The following RNF19B variants were observed in gnomAD, a reference collection of about 807,000 sequenced individuals.
The protein encoded by RNF19B is E3 ubiquitin-protein ligase RNF19B.
In RNF19B, 23 loss-of-function variants were observed where a neutral mutation model predicts 65.5. That is an observed-to-expected ratio of 0.35 (90% CI 0.25 to 0.50). The LOEUF is 0.50. Ranked by LOEUF, RNF19B falls within the 20% of genes least tolerant of loss-of-function variation. The pLI is 0.98. For missense variants in RNF19B, 794 were observed against 980.0 expected, an observed-to-expected ratio of 0.81 and a Z score of 2.53; for synonymous variants, 372 against 379.6, an observed-to-expected ratio of 0.98 and a Z score of 0.23.
chr1:32,933,928 A>G (rs1339500309), downstream of RNF19B, among the ~76,000 whole-genome samples: 1 of 152,204 alleles, frequency 6.6e-6, no homozygotes, highest in East Asian at 1.9e-4. Flanking sequence ...GTTTAGCCAT[A>G]AACTACTGCC....
Position 32,948,207 on chromosome 1 carries a change from C to A in RNF19B, c.983+15G>T. The A allele has an allele frequency of 6.2e-7, 1 of 1,612,676 alleles. No individual in the cohort carries two copies. Among genetic ancestry groups the A allele is most frequent in the South Asian group, 1.1e-5 (1 of 90,994 alleles). ...AATGAGACTACGAAAGGAATGGATG[C>A]ATTTCCCATCTTACCTGAGGTAATG... On this transcript the variant is annotated intron_variant, in intron 3 of 8. Coordinates refer to ENST00000235150, the MANE Select transcript of RNF19B (RefSeq NM_001300826.2).
chr1:32,934,594 T>G (rs745715638), downstream of RNF19B, among the ~76,000 whole-genome samples: 1 of 151,828 alleles, frequency 6.6e-6, no homozygotes, highest in Non-Finnish European at 1.5e-5. Context: ...GACTTGAGAA[T>G]CACTTGAACC....
At chr1:32,943,899 C>T (rs1642299802) in intron 6 of RNF19B, 120 bp downstream of exon 6, 2 of 1,015,968 alleles carry the variant, frequency 2.0e-6, no homozygotes, top group South Asian at 1.6e-5. Flanking sequence ...ACTTTACCCC[C>T]TACAAAGCTC....
At chr1:32,948,452 A>C in intron 2 of RNF19B, 89 bp from the exon 3 acceptor site, 1 of 1,381,920 alleles carries the variant, frequency 7.2e-7, no homozygotes, top group Non-Finnish European at 9.9e-7. Flanking sequence ...TATATAAGAA[A>C]TGAGGCAGCA....
At chr1:32,960,202 C>G (rs1281464856) in intron 1 of RNF19B, among the ~76,000 whole-genome samples, 1 of 151,948 alleles carries the variant, frequency 6.6e-6, no homozygotes, top group East Asian at 1.9e-4. Flanking sequence ...TCATGAATCT[C>G]TGAATGTATG....
At position 32,936,896 on chromosome 1, in the gene RNF19B, A is replaced by G; in HGVS notation, c.2106T>C (p.Gly702=). The change falls in exon 9 of 9, where the codon GGT becomes GGC. Residue 702 remains glycine, a synonymous_variant. Coordinates refer to ENST00000235150, the MANE Select transcript of RNF19B (RefSeq NM_001300826.2). ...TCATATGGGCACTTGGGCTCGGTGC[A>G]CCTTGGGCTCTGGGGGTCGAGGGGC... ...AACPSTPRAQ[G]APSPSAHMNL... 1 of 1,613,780 alleles carries G rather than the reference A, an allele frequency of 6.2e-7. No homozygotes were observed.
intron 1 of RNF19B, among the ~76,000 whole-genome samples, chr1:32,963,799 C>G (rs1423933746): frequency 6.6e-6 from 1 of 152,224 alleles, no homozygotes; most frequent in Non-Finnish European, 1.5e-5. Context: ...AACCGCCTCT[C>G]CCTGTCTCCT....
At chr1:32,938,609 A>C in intron 7 of RNF19B, 81 bp from the exon 8 acceptor site, 1 of 1,420,570 alleles carries the variant, frequency 7.0e-7, no homozygotes, top group Non-Finnish European at 9.7e-7. Flanking sequence ...CATCTCTTCC[A>C]TTACTCTCTT....
chr1:32,942,135 T>C (rs892219429), intron 7 of RNF19B, 117 bp downstream of exon 7: 3 of 864,192 alleles, frequency 3.5e-6, no homozygotes, highest in African/African-American at 1.7e-5. Context: ...AACAAAACCA[T>C]TGACAATTAA....
chr1:32,939,551 C>G (rs991478601), intron 7 of RNF19B, among the ~76,000 whole-genome samples: 1 of 152,194 alleles, frequency 6.6e-6, no homozygotes, highest in African/African-American at 2.4e-5. Context: ...ACACACTTTA[C>G]CTTCCCTGCC....
At chr1:32,961,975 G>T (rs912387184) in intron 1 of RNF19B, among the ~76,000 whole-genome samples, 129 of 145,654 alleles carry the variant, frequency 8.9e-4, no homozygotes, top group South Asian at 4.8e-3. Context: ...GCAGTGTTTT[G>T]TTTTTTTTTT....
chr1:32,955,457 T>C (rs1642613205), intron 1 of RNF19B, among the ~76,000 whole-genome samples: 1 of 151,694 alleles, frequency 6.6e-6, no homozygotes, highest in Non-Finnish European at 1.5e-5. Context: ...CGCCTGGGCA[T>C]GGTGGATCAC....
downstream of RNF19B, among the ~76,000 whole-genome samples, chr1:32,933,627 T>C (rs1642056017): frequency 6.6e-6 from 1 of 152,198 alleles, no homozygotes. Context: ...TTTCATCTAC[T>C]AAAGTGTCGC....
intron 2 of RNF19B, among the ~76,000 whole-genome samples, chr1:32,948,836 T>G (rs1313043557): frequency 1.6e-4 from 24 of 152,202 alleles, no homozygotes; most frequent in Non-Finnish European, 1.5e-5. Flanking sequence ...CCACAATCCC[T>G]TCCCATGATA....
chr1:32,956,906 C>T (rs1286005376), intron 1 of RNF19B, among the ~76,000 whole-genome samples: 4 of 152,210 alleles, frequency 2.6e-5, no homozygotes, highest in East Asian at 1.9e-4. Flanking sequence ...GGTAGACATG[C>T]GCCAACTTGT....
chr1:32,957,233 G>A (rs1015770750), intron 1 of RNF19B, among the ~76,000 whole-genome samples: 1 of 152,076 alleles, frequency 6.6e-6, no homozygotes, highest in East Asian at 1.9e-4. Context: ...TCGAACTCCT[G>A]GGCTCAACTA....
chr1:32,930,413 T>A, the RNF19B span, among the ~76,000 whole-genome samples: 4 of 140,026 alleles, frequency 2.9e-5, no homozygotes, highest in South Asian at 9.3e-4. Context: ...CCCGGCTGAT[T>A]TTTTTTTTTT....
intron 1 of RNF19B, among the ~76,000 whole-genome samples, chr1:32,959,724 T>C (rs771312580): frequency 1.3e-5 from 2 of 152,100 alleles, no homozygotes; most frequent in Non-Finnish European, 1.5e-5. Context: ...TACTAGGCCA[T>C]ATTGTTCTTA....
chr1:32,953,871 T>A, intron 1 of RNF19B, among the ~76,000 whole-genome samples: 1 of 151,244 alleles, frequency 6.6e-6, no homozygotes, highest in African/African-American at 2.4e-5. Flanking sequence ...CAGAAGTAAA[T>A]GTTTATTAAC....
Sources: gnomAD v4.1 joint callset for allele counts (sites outside exome capture counted in the v4.1 genomes callset) on GRCh38, gnomAD v4.1.1 for gene constraint, MANE v1.5 for transcripts, NCBI Gene and HGNC (gene_info 2026-07-23, HGNC 2026-07-21) for gene names.